The following UBN2 variants were observed in gnomAD, a reference collection of about 807,000 sequenced individuals.
The protein encoded by UBN2 is ubinuclein 2.
UBN2 carries 35 observed loss-of-function variants against 120.2 expected under a neutral mutation model. The ratio of observed to expected loss-of-function variants is 0.29; its 90% CI spans 0.22 to 0.39. UBN2 has a LOEUF of 0.39. UBN2 is among the 10% of genes least tolerant of loss of function. The pLI is 1.00. For synonymous variants in UBN2, 661 were observed against 648.7 expected (o/e 1.02, Z -0.29); for missense variants, 1,693 against 1,663.2 (o/e 1.02, Z -0.31).
At chr7:139,240,603 A>C (rs1473782551) in intron 2 of UBN2, among the ~76,000 whole-genome samples, 2 of 151,952 alleles carry the variant, frequency 1.3e-5, no homozygotes, top group Admixed American at 1.3e-4. Flanking sequence ...AATGATCTTT[A>C]TTGGTGTTTG....
At chr7:139,319,010 A>C in the UBN2 span, among the ~76,000 whole-genome samples, 3 of 152,040 alleles carry the variant, frequency 2.0e-5, no homozygotes, top group Non-Finnish European at 4.4e-5. Flanking sequence ...TGCGTTTTTC[A>C]TTCTCAGCAA....
Position 139,283,813 on chromosome 7 carries a change from C to T in UBN2, c.2908C>T (p.Leu970Phe). 6.2e-7 allele frequency: 1 copy of T among 1,614,160 alleles called. No homozygotes were observed. The highest frequency in any genetic ancestry group is 8.5e-7 in the Non-Finnish European group (1 of 1,180,028). Reference protein sequence around the residue: ...NNPQLSCSSSLIKTSDKPLMY... With the variant: ...NNPQLSCSSSFIKTSDKPLMY... ...TCCCCAACTCTCCTGTTCCTCCTCA[C>T]TTATTAAGACTTCAGATAAGCCACT... The change falls in exon 15 of 18, where the codon CTT (leucine) becomes TTT (phenylalanine). Residue 970 changes from leucine (L) to phenylalanine (F), a missense_variant. Physicochemically the swap from Leu to Phe is conservative, Grantham distance 22. This residue lies in a region of UBN2 where 837 missense variants were observed against 817.6 expected (regional missense o/e 1.02). Transcript: ENST00000473989.
intron 5 of UBN2, among the ~76,000 whole-genome samples, chr7:139,260,050 T>C (rs1399167298): frequency 6.6e-6 from 1 of 152,088 alleles, no homozygotes; most frequent in South Asian, 2.1e-4. Flanking sequence ...ATTACAGATG[T>C]GAGCCACTGC....
intron 2 of UBN2, among the ~76,000 whole-genome samples, chr7:139,241,866 T>C (rs984857080): frequency 6.6e-6 from 1 of 152,046 alleles, no homozygotes; most frequent in African/African-American, 2.4e-5. Flanking sequence ...GGCATGGTGG[T>C]GGGTACCTAT....
intron 15 of UBN2, among the ~76,000 whole-genome samples, chr7:139,287,106 A>G (rs1563225520): frequency 6.6e-6 from 1 of 151,994 alleles, no homozygotes; most frequent in Non-Finnish European, 1.5e-5. Context: ...TTCCCTTATG[A>G]AAAAAAAGGT....
At chr7:139,269,125 C>G (rs1198232319) in intron 7 of UBN2, among the ~76,000 whole-genome samples, 2 of 152,172 alleles carry the variant, frequency 1.3e-5, no homozygotes, top group Non-Finnish European at 2.9e-5. Context: ...AGGAGAATCA[C>G]TTGAACCCAG....
intron 3 of UBN2, among the ~76,000 whole-genome samples, chr7:139,255,220 G>A (rs1369778268): frequency 1.3e-5 from 2 of 152,040 alleles, no homozygotes; most frequent in Non-Finnish European, 2.9e-5. Flanking sequence ...TTTATAAATA[G>A]CATTTTTAAT....
intron 6 of UBN2, among the ~76,000 whole-genome samples, chr7:139,263,456 G>T (rs1413044955): frequency 6.6e-6 from 1 of 151,998 alleles, no homozygotes; most frequent in Admixed American, 6.6e-5. Flanking sequence ...ACAATAGTAG[G>T]TAAAGGCCAG....
chr7:139,318,289 C>G, the UBN2 span, among the ~76,000 whole-genome samples: 3,389 of 152,266 alleles, frequency 0.022, 130 homozygotes, highest in African/African-American at 0.077. Context: ...TGTGCTTTTG[C>G]AAGTGGGCTG....
At chr7:139,261,924 CCTTT>C (rs988076317) in intron 6 of UBN2, among the ~76,000 whole-genome samples, 183 bp downstream of exon 6, 1 of 149,978 alleles carries the variant, frequency 6.7e-6, no homozygotes, top group African/African-American at 2.4e-5. Flanking sequence ...TCCTTTTAGA[CCTTT>C]CTTTTTTCTT....
chr7:139,317,186 G>GTAT, the UBN2 span, among the ~76,000 whole-genome samples: 4 of 151,546 alleles, frequency 2.6e-5, no homozygotes, highest in Admixed American at 2.0e-4. Flanking sequence ...TCATTAATCT[G>GTAT]TATTATTATT....
chr7:139,239,860 G>C (rs905630001), intron 2 of UBN2, among the ~76,000 whole-genome samples: 2 of 152,118 alleles, frequency 1.3e-5, no homozygotes, highest in African/African-American at 4.8e-5. Context: ...CCAGCCTAGA[G>C]TGTCTATTTT....
Position 139,298,167 on chromosome 7 carries a change from G to C in UBN2, c.*331G>C. On this transcript the variant is annotated 3_prime_UTR_variant, in exon 18 of 18. Coordinates refer to ENST00000473989, the MANE Select transcript of UBN2 (RefSeq NM_173569.4). ...CCCGGGGGAGGAAGAAGGAAGTGAA[G>C]AGAATTTGGGTAAACTCCATCCATC... 2 of 256,244 alleles carry C rather than the reference G, an allele frequency of 7.8e-6. No individual in the cohort carries two copies. Among genetic ancestry groups the C allele is most frequent in the Non-Finnish European group, 7.5e-6 (1 of 133,844 alleles). The allele number at this position is 256,244 out of a possible 1,614,324, so 15.9% of individuals were successfully genotyped here. A position where few individuals can be genotyped will look rare whatever the true frequency, so the allele number is the denominator to read the frequency against.
Position 139,303,473 on chromosome 7 carries a change from A to G in UBN2, c.*5637A>G, listed in dbSNP as rs1798305858. The stretch of plus-strand genomic sequence containing the variant: ...CAGAAGCTCCTGGTAGTGTTACCTG[A>G]TAGCAGAACTTACCAGGCAGTTGGA... On this transcript the variant is annotated 3_prime_UTR_variant, in exon 18 of 18. Coordinates refer to ENST00000473989, the MANE Select transcript of UBN2 (RefSeq NM_173569.4). 6.6e-6 allele frequency: 1 copy of G among 152,194 alleles called. No homozygotes were observed. The highest frequency in any genetic ancestry group is 1.5e-5 in the Non-Finnish European group (1 of 68,036). The allele number at this position is 152,194 out of a possible 1,614,324, so 9.4% of individuals were successfully genotyped here.
chr7:139,279,434 TGTATG>T (rs1184094888), intron 13 of UBN2, 74 bp downstream of exon 13: 7 of 1,234,078 alleles, frequency 5.7e-6, no homozygotes, highest in South Asian at 5.1e-5. Flanking sequence ...ATGAAAAAGA[TGTATG>T]GTATTTAGCA....
At chr7:139,246,015 G>A (rs927059897) in intron 2 of UBN2, among the ~76,000 whole-genome samples, 2 of 152,142 alleles carry the variant, frequency 1.3e-5, no homozygotes. Context: ...TTTTGAGCAG[G>A]GGAAATAATA....
At chr7:139,234,721 C>T (rs751208835) in intron 1 of UBN2, among the ~76,000 whole-genome samples, 1 of 152,082 alleles carries the variant, frequency 6.6e-6, no homozygotes, top group Non-Finnish European at 1.5e-5. Flanking sequence ...ATCAGTTAAC[C>T]AGAACACCCA....
chr7:139,266,271 TA>T, intron 6 of UBN2, 61 bp from the exon 7 acceptor site: 1 of 997,790 alleles, frequency 1.0e-6, no homozygotes, highest in Non-Finnish European at 1.5e-6. Context: ...ACACGTGTCC[TA>T]AGAATGCAAA....
chr7:139,297,066 C>T (rs1011401398), intron 17 of UBN2, among the ~76,000 whole-genome samples: 1 of 151,744 alleles, frequency 6.6e-6, no homozygotes, highest in South Asian at 2.1e-4. Context: ...TGGTGGTGTG[C>T]GCCTGTAATC....
Sources: allele counts gnomAD v4.1 joint callset (sites outside exome capture counted in the v4.1 genomes callset), GRCh38; gene constraint gnomAD v4.1.1; regional missense constraint gnomAD v4.1.1; transcripts MANE v1.5; gene names NCBI Gene and HGNC (gene_info 2026-07-23, HGNC 2026-07-21).